The following SDK1 variants were observed in gnomAD, a reference collection of about 807,000 sequenced individuals.
The protein encoded by SDK1 is sidekick cell adhesion molecule 1.
In SDK1, 157 loss-of-function variants were observed where a neutral mutation model predicts 245.5. That is an observed-to-expected ratio of 0.64 (90% CI 0.56 to 0.73). The LOEUF is 0.73. SDK1 is among the 30% of genes least tolerant of loss of function. SDK1 has a pLI of 0.00. For synonymous variants in SDK1, 1,647 were observed against 1,278.5 expected, an observed-to-expected ratio of 1.29 and a Z score of -6.15; for missense variants, 3,583 against 3,002.3, an observed-to-expected ratio of 1.19 and a Z score of -4.52.
intron 26 of SDK1, chr7:4,129,699 G>C (rs1784662041): frequency 2.1e-6 from 3 of 1,399,496 alleles, no homozygotes; most frequent in Non-Finnish European, 2.8e-6. Context: ...ACTAACTCAA[G>C]CTCCCCTGGA....
At chr7:3,801,391 C>T (rs951527072) in intron 4 of SDK1, among the ~76,000 whole-genome samples, 3 of 152,240 alleles carry the variant, frequency 2.0e-5, no homozygotes, top group Admixed American at 6.5e-5. Flanking sequence ...TGTTTCATGA[C>T]CCTAGAGTCT....
At chr7:3,406,548 A>T (rs916797733) in intron 1 of SDK1, among the ~76,000 whole-genome samples, 4 of 152,038 alleles carry the variant, frequency 2.6e-5, no homozygotes, top group Non-Finnish European at 5.9e-5. Context: ...AATCTACTTG[A>T]GCTTTGGTTA....
intron 4 of SDK1, among the ~76,000 whole-genome samples, chr7:3,732,639 T>G (rs1360105064): frequency 6.6e-6 from 1 of 152,240 alleles, no homozygotes; most frequent in Non-Finnish European, 1.5e-5. Flanking sequence ...CAAACGCTAA[T>G]TAATCCTCGC....
chr7:4,059,222 A>C (rs927476149), intron 19 of SDK1, among the ~76,000 whole-genome samples: 1 of 152,252 alleles, frequency 6.6e-6, no homozygotes, highest in African/African-American at 2.4e-5. Context: ...TCACTTGTAA[A>C]GACACATGTA....
intron 1 of SDK1, among the ~76,000 whole-genome samples, chr7:3,512,155 TTTAA>T (rs1418993383): frequency 6.6e-6 from 1 of 152,136 alleles, no homozygotes; most frequent in African/African-American, 2.4e-5. Context: ...CCACACGTCT[TTTAA>T]CTGTCTCTGT....
intron 1 of SDK1, among the ~76,000 whole-genome samples, chr7:3,569,981 A>G (rs752773982): frequency 2.0e-5 from 3 of 152,010 alleles, no homozygotes; most frequent in Non-Finnish European, 4.4e-5. Flanking sequence ...TGGCCTTAGG[A>G]CCATTATTTT....
chr7:3,653,852 C>A (rs1159247771), intron 4 of SDK1, among the ~76,000 whole-genome samples: 1 of 152,166 alleles, frequency 6.6e-6, no homozygotes, highest in Non-Finnish European at 1.5e-5. Context: ...TGCTCTGTTG[C>A]ACTTCAGCTT....
intron 4 of SDK1, among the ~76,000 whole-genome samples, chr7:3,751,012 C>G (rs1779758210): frequency 6.6e-6 from 1 of 152,122 alleles, no homozygotes; most frequent in South Asian, 2.1e-4. Flanking sequence ...TTTTCCTTCC[C>G]AAGAGTGGGC....
At chr7:3,972,760 T>C (rs1782589979) in intron 12 of SDK1, among the ~76,000 whole-genome samples, 1 of 152,174 alleles carries the variant, frequency 6.6e-6, no homozygotes, top group African/African-American at 2.4e-5. Context: ...CTCGCGCTTC[T>C]TGAGCGGGTG....
intron 40 of SDK1, chr7:4,227,146 A>G: frequency 3.5e-6 from 1 of 288,412 alleles, no homozygotes; most frequent in South Asian, 3.4e-5. Flanking sequence ...AGTAAGGAAG[A>G]AAATCAGTAT....
At chr7:3,663,531 A>G (rs550478321) in intron 4 of SDK1, among the ~76,000 whole-genome samples, 22 of 152,292 alleles carry the variant, frequency 1.4e-4, no homozygotes, top group Middle Eastern at 3.4e-3. Flanking sequence ...TGAACAACAC[A>G]ATGATGGGTA....
At chr7:3,981,604 A>T (rs1431076533) in intron 13 of SDK1, among the ~76,000 whole-genome samples, 3 of 152,248 alleles carry the variant, frequency 2.0e-5, no homozygotes, top group African/African-American at 4.8e-5. Context: ...GGGAACACAC[A>T]AATGATAAGA....
chr7:4,111,111 G>C (rs1341603997), intron 23 of SDK1, among the ~76,000 whole-genome samples: 2 of 152,134 alleles, frequency 1.3e-5, no homozygotes, highest in African/African-American at 4.8e-5. Context: ...CAACCTGTTG[G>C]GACTATTAAC....
intron 5 of SDK1, among the ~76,000 whole-genome samples, chr7:3,946,495 T>G (rs1165597759): frequency 1.3e-5 from 2 of 152,002 alleles, no homozygotes; most frequent in Non-Finnish European, 2.9e-5. Context: ...TTTTTTTTCT[T>G]GGATAGAGAC....
chr7:4,045,092 C>T (rs998201479), intron 17 of SDK1, among the ~76,000 whole-genome samples: 1 of 152,120 alleles, frequency 6.6e-6, no homozygotes, highest in Non-Finnish European at 1.5e-5. Context: ...TGCGTTCATG[C>T]GTATAAGTAT....
intron 1 of SDK1, among the ~76,000 whole-genome samples, chr7:3,392,940 CTGTT>C (rs1012936540): frequency 1.5e-5 from 2 of 131,016 alleles, no homozygotes; most frequent in Non-Finnish European, 1.6e-5. Context: ...TTACAGGTAT[CTGTT>C]TGAGTCCCTG....
intron 5 of SDK1, among the ~76,000 whole-genome samples, chr7:3,911,800 C>T (rs1002616144): frequency 2.6e-5 from 4 of 152,134 alleles, no homozygotes; most frequent in African/African-American, 7.2e-5. Flanking sequence ...CAGGCCCTGC[C>T]CTGGAGGAGC....
intron 5 of SDK1, among the ~76,000 whole-genome samples, chr7:3,927,374 T>A (rs1481043231): frequency 6.6e-6 from 1 of 152,198 alleles, no homozygotes; most frequent in Admixed American, 6.5e-5. Context: ...ATTGAGCACC[T>A]ACCGTGTGCT....
At chr7:3,326,553 G>T (rs1410073942) in intron 1 of SDK1, among the ~76,000 whole-genome samples, 1 of 152,104 alleles carries the variant, frequency 6.6e-6, no homozygotes, top group Non-Finnish European at 1.5e-5. Context: ...CATACAGTAT[G>T]TCTTGTTTCC....
Sources: gnomAD v4.1 joint callset for allele counts (sites outside exome capture counted in the v4.1 genomes callset) on GRCh38, gnomAD v4.1.1 for gene constraint, MANE v1.5 for transcripts, NCBI Gene and HGNC (gene_info 2026-07-23, HGNC 2026-07-21) for gene names.